Variants in SYNE1 observed in about 807,000 individuals in gnomAD.
The protein encoded by SYNE1 is spectrin repeat containing nuclear envelope protein 1.
SYNE1 carries 616 observed loss-of-function variants against 1,111.0 expected under a neutral mutation model. The observed-to-expected ratio is 0.55, with a 90% CI of 0.52 to 0.59. The LOEUF (loss-of-function observed/expected upper bound fraction) is 0.59. Among genes scored for constraint, SYNE1 ranks in the 20% least tolerant of loss-of-function variants. The pLI, the probability that SYNE1 is intolerant of heterozygous loss-of-function variation, is 0.00. For synonymous variants in SYNE1, 3,855 were observed against 3,825.8 expected, an observed-to-expected ratio of 1.01 and a Z score of -0.28; for missense variants, 10,006 against 10,417.0, an observed-to-expected ratio of 0.96 and a Z score of 1.72.
chr6:152,541,288 T>C (rs1182074067), intron 3 of SYNE1, among the ~76,000 whole-genome samples: 1 of 152,212 alleles, frequency 6.6e-6, no homozygotes, highest in East Asian at 1.9e-4. Flanking sequence ...GTTTGTATCA[T>C]CTATGATTTC....
At chr6:152,415,275 G>A (rs750364003) in intron 41 of SYNE1, among the ~76,000 whole-genome samples, 3 of 152,140 alleles carry the variant, frequency 2.0e-5, no homozygotes, top group Non-Finnish European at 4.4e-5. Flanking sequence ...CTTCTCAAAT[G>A]AACTCACCTG....
chr6:152,230,791 C>A, intron 114 of SYNE1, 89 bp from the exon 115 acceptor site: 1 of 1,418,394 alleles, frequency 7.1e-7, no homozygotes, highest in African/African-American at 1.4e-5. Flanking sequence ...AGTATTTTCT[C>A]CAAATTAAGA....
chr6:152,463,031 T>C, intron 19 of SYNE1, 141 bp from the exon 20 acceptor site: 1 of 1,095,056 alleles, frequency 9.1e-7, no homozygotes, highest in Non-Finnish European at 1.3e-6. Flanking sequence ...TTTAGATAAA[T>C]TTGAAGTAAG....
chr6:152,201,969 A>C lies in SYNE1; in HGVS notation c.23020-20T>G, dbSNP rs1389599967. 1 of 1,613,604 alleles carries C rather than the reference A, an allele frequency of 6.2e-7. No individual in the cohort carries two copies. The highest frequency in any genetic ancestry group is 8.5e-7 in the Non-Finnish European group (1 of 1,179,792). ...CCAGTCCTATCATGGGAATAAAAAC[A>C]AATAGCATAGATGTTTTTGATGTAG... On this transcript the variant is annotated intron_variant, in intron 126 of 145. Coordinates refer to ENST00000367255, the MANE Select transcript of SYNE1 (RefSeq NM_182961.4).
At position 152,425,453 on chromosome 6, in the gene SYNE1, ACAT is replaced by A; in HGVS notation, c.5192_5194del (p.Asp1731del). On this transcript the variant is annotated inframe_deletion, in exon 39 of 146. Transcript: ENST00000367255. ...CTCCAAATGTAGTTTCATCATTTTC[ACAT>A]CATCTTTGGAGGCTACTGAGAACAA... 6.2e-7 allele frequency: 1 copy of A among 1,614,196 alleles called. No individual in the cohort carries two copies. The highest frequency in any genetic ancestry group is 1.1e-5 in the South Asian group (1 of 91,088).
rs1020832262 is a variant in SYNE1 at position 152,373,040 on chromosome 6, T to C, written c.9504A>G (p.Leu3168=). 2.7e-5 allele frequency: 44 copies of C among 1,613,982 alleles called. No individual in the cohort carries two copies. Among genetic ancestry groups the C allele is most frequent in the Non-Finnish European group, 3.5e-5 (41 of 1,179,972 alleles). The stretch of plus-strand genomic sequence containing the variant: ...CCATGTGGTTGGCTATATATACCTC[T>C]AGAGCAGATTCTTTTTGGTGGAGAT... ...HSNLHQKESA[L]ENLKIQMKDF... The change falls in exon 59 of 146, where the codon CTA becomes CTG. Residue 3168 remains leucine (L), a synonymous_variant. Coordinates refer to ENST00000367255, the MANE Select transcript of SYNE1 (RefSeq NM_182961.4).
At chr6:152,424,238 T>C (rs943108274) in intron 39 of SYNE1, among the ~76,000 whole-genome samples, 1 of 152,242 alleles carries the variant, frequency 6.6e-6, no homozygotes, top group Non-Finnish European at 1.5e-5. Flanking sequence ...CTAGTATTTA[T>C]TAAAATGGTT....
At chr6:152,415,091 T>G (rs1040263826) in intron 41 of SYNE1, among the ~76,000 whole-genome samples, 1 of 152,062 alleles carries the variant, frequency 6.6e-6, no homozygotes, top group Non-Finnish European at 1.5e-5. Flanking sequence ...TACCTTGGCA[T>G]GAATGCATTT....
At position 152,233,918 on chromosome 6, in the gene SYNE1, C is replaced by T; in HGVS notation, c.20575G>A (p.Val6859Ile). ...VDAQSSLKSS[V>I]LSTGNQLLRL... Reference sequence around the variant, plus strand: ...AGGAGCTGATTTCCAGTACTCAGAACAGATGATTTCAGGGAAGATTGGGCA... The same window carrying T: ...AGGAGCTGATTTCCAGTACTCAGAATAGATGATTTCAGGGAAGATTGGGCA... The change falls in exon 112 of 146, where the codon GTT becomes ATT. Residue 6859 changes from valine to isoleucine, a missense_variant. Physicochemically the swap from Val to Ile is conservative, Grantham distance 29 (BLOSUM62 3). Coordinates refer to ENST00000367255, the MANE Select transcript of SYNE1 (RefSeq NM_182961.4). 1.9e-6 allele frequency: 3 copies of T among 1,614,156 alleles called. No homozygotes were observed. The highest frequency in any genetic ancestry group is 2.5e-6 in the Non-Finnish European group (3 of 1,180,022).
At chr6:152,162,856 T>C (rs2062808390) in intron 131 of SYNE1, among the ~76,000 whole-genome samples, 1 of 152,120 alleles carries the variant, frequency 6.6e-6, no homozygotes, top group Admixed American at 6.5e-5. Flanking sequence ...ACCCCACACA[T>C]ATGTACAATT....
intron 98 of SYNE1, among the ~76,000 whole-genome samples, chr6:152,271,062 T>G (rs1012633964): frequency 6.6e-6 from 1 of 152,194 alleles, no homozygotes; most frequent in Admixed American, 6.5e-5. Context: ...CTGGAGCTGC[T>G]GCTCGCCTGC....
chr6:152,251,879 C>CT (rs1340534707), intron 104 of SYNE1, among the ~76,000 whole-genome samples: 5 of 938 alleles, frequency 5.3e-3, no homozygotes, highest in African/African-American at 0.011. Context: ...AAATACATCA[C>CT]TTTTTTTTTC....
At chr6:152,387,490 G>T in intron 53 of SYNE1, 109 bp from the exon 54 acceptor site, 1 of 1,140,336 alleles carries the variant, frequency 8.8e-7, no homozygotes, top group Non-Finnish European at 1.3e-6. Flanking sequence ...AATGCTACTG[G>T]AAGTGATGAA....
At chr6:152,375,711 A>C (rs889985120) in intron 58 of SYNE1, among the ~76,000 whole-genome samples, 17 of 152,218 alleles carry the variant, frequency 1.1e-4, no homozygotes, top group African/African-American at 3.6e-4. Flanking sequence ...GACAGTAACA[A>C]ATTTACATAC....
At chr6:152,508,591 A>G (rs1323986456) in intron 8 of SYNE1, among the ~76,000 whole-genome samples, 1 of 152,228 alleles carries the variant, frequency 6.6e-6, no homozygotes, top group African/African-American at 2.4e-5. Flanking sequence ...ACCACAGAAT[A>G]TCACCTTGAC....
At chr6:152,297,378 T>G (rs557105612) in intron 93 of SYNE1, among the ~76,000 whole-genome samples, 132 of 152,228 alleles carry the variant, frequency 8.7e-4, no homozygotes, top group African/African-American at 3.1e-3. Flanking sequence ...CCAGTTTAGG[T>G]GCCTTCTCTA....
Position 152,431,542 on chromosome 6 carries a change from C to T in SYNE1, c.4462-833G>A, listed in dbSNP as rs191216944. 2.1e-3 allele frequency among the ~76,000 whole-genome samples: 320 copies of T among 152,278 alleles called. 1 individual carries two copies. The highest frequency in any genetic ancestry group is 7.3e-3 in the African/African-American group (305 of 41,556). ...TTATGTGTGTCTGTGGAGTGTCTCT[C>T]ACAAACATAGAAGCTTGTTTGTATA... On this transcript the variant is annotated intron_variant, in intron 34 of 145. Transcript: ENST00000367255.
At chr6:152,480,341 C>T (rs573218389) in intron 14 of SYNE1, among the ~76,000 whole-genome samples, 7 of 151,830 alleles carry the variant, frequency 4.6e-5, no homozygotes, top group African/African-American at 1.5e-4. Context: ...GCCAACACGG[C>T]GAAACCACAT....
At position 152,213,730 on chromosome 6, in the gene SYNE1, T is replaced by G; in HGVS notation, c.22376A>C (p.Gln7459Pro). 6.2e-7 allele frequency: 1 copy of G among 1,614,106 alleles called. No individual in the cohort carries two copies. The highest frequency in any genetic ancestry group is 8.5e-7 in the Non-Finnish European group (1 of 1,179,994). ...TGTTTCACATTTTTCCAAGAAAGTC[T>G]GATGTTGTAGCAAAAATGACTGCAA... ...SKLQSFLLQH[Q>P]TFLEKCETWM... The change falls in exon 123 of 146, where the codon CAG (glutamine) becomes CCG (proline). Residue 7459 changes from glutamine (Q) to proline (P), a missense_variant. By Grantham distance (76) the Gln-to-Pro change is moderately conservative. Transcript: ENST00000367255.
Sources: allele counts gnomAD v4.1 joint callset (sites outside exome capture counted in the v4.1 genomes callset), GRCh38; gene constraint gnomAD v4.1.1; transcripts MANE v1.5; gene names NCBI Gene and HGNC (gene_info 2026-07-23, HGNC 2026-07-21).